Variants in RNF38 observed in about 807,000 individuals in gnomAD.
RNF38 encodes ring finger protein 38, also known as E3 ubiquitin-protein ligase RNF38.
Under a neutral mutation model 67.2 loss-of-function variants are expected in RNF38, and 15 were observed. The observed-to-expected ratio is 0.22, with a 90% CI of 0.15 to 0.34. The LOEUF is 0.34. Among genes scored for constraint, RNF38 ranks in the 10% least tolerant of loss-of-function variants. The probability of loss-of-function intolerance (pLI) is 1.00; values close to 1 mark genes in which losing one functional copy is unlikely to be tolerated. For missense variants in RNF38, 524 were observed against 639.9 expected (o/e 0.82, Z 1.95); for synonymous variants, 220 against 218.8 (o/e 1.01, Z -0.05).
At chr9:36,480,622 A>C (rs575998024) in intron 1 of RNF38, among the ~76,000 whole-genome samples, 1 of 143,358 alleles carries the variant, frequency 7.0e-6, no homozygotes, top group East Asian at 2.1e-4. Context: ...CACCATCTCA[A>C]CTCACTGCAA....
chr9:36,481,585 C>T (rs1840271372), intron 1 of RNF38, among the ~76,000 whole-genome samples: 1 of 152,132 alleles, frequency 6.6e-6, no homozygotes, highest in Non-Finnish European at 1.5e-5. Flanking sequence ...AAAATTACTC[C>T]AAGACAGCAG....
chr9:36,356,193 T>G (rs938908872), intron 6 of RNF38, 110 bp downstream of exon 6: 8 of 1,034,066 alleles, frequency 7.7e-6, no homozygotes, highest in Non-Finnish European at 1.0e-5. Flanking sequence ...AACTTAGGCA[T>G]TCGTCTGGTT....
At chr9:36,477,181 G>A (rs537095445) in intron 1 of RNF38, among the ~76,000 whole-genome samples, 23 of 151,818 alleles carry the variant, frequency 1.5e-4, no homozygotes, top group African/African-American at 3.1e-4. Flanking sequence ...AAAATTAGCC[G>A]GGCGTGGTGG....
chr9:36,398,696 A>C (rs1837739962), intron 1 of RNF38, among the ~76,000 whole-genome samples: 1 of 152,248 alleles, frequency 6.6e-6, no homozygotes, highest in South Asian at 2.1e-4. Context: ...AAACTGTCTG[A>C]CATGTTTTCT....
chr9:36,487,265 G>A (rs1475847034), intron 1 of RNF38: 18 of 981,836 alleles, frequency 1.8e-5, no homozygotes, highest in Middle Eastern at 1.0e-3. Context: ...CCGCGGGACC[G>A]ACCCACGCCC....
rs370295744 is a variant in RNF38 at position 36,364,395 on chromosome 9, TTA to T, written c.570+5322_570+5323del. Among the ~76,000 whole-genome samples, 434 of 152,266 alleles carry T rather than the reference TTA, an allele frequency of 2.9e-3. 1 individual carries two copies. The highest frequency in any genetic ancestry group is 9.8e-3 in the African/African-American group (407 of 41,544). Reference sequence around the variant, plus strand: ...TATTAGTTTTTGAGGGAGTCAACCATTATATGTGTATTTTCAACAGTGTAGAG... The same window carrying T: ...TATTAGTTTTTGAGGGAGTCAACCATTATGTGTATTTTCAACAGTGTAGAG... On this transcript the variant is annotated intron_variant, in intron 4 of 11. Transcript: ENST00000259605.
rs1422444010 is a variant in RNF38, at chr9:36,352,988, T to TA, written c.1072-141dup. On this transcript the variant is annotated intron_variant, in intron 7 of 11. Transcript: ENST00000259605. ...TTTTAATATTCCTTAAATACTAACT[T>TA]ATTAATGGATGCAGCAACCATTTTA... 22 of 800,968 alleles carry TA rather than the reference T, an allele frequency of 2.7e-5. No individual in the cohort carries two copies. The East Asian group carries it at 5.6e-4, about 20-fold the overall frequency. 49.6% of individuals were successfully genotyped at this position (800,968 alleles called of 1,614,324 possible).
intron 1 of RNF38, among the ~76,000 whole-genome samples, chr9:36,471,486 A>T (rs899089142): frequency 6.6e-6 from 1 of 152,082 alleles, no homozygotes; most frequent in African/African-American, 2.4e-5. Flanking sequence ...TCCCACCCCA[A>T]CCTTTTTTAA....
exon 1 of RNF38, chr9:36,487,380 T>A: frequency 1.0e-6 from 1 of 983,414 alleles, no homozygotes; most frequent in East Asian, 1.1e-4. Context: ...CCCGGAGGGC[T>A]GAGGCGGTCC....
intron 1 of RNF38, among the ~76,000 whole-genome samples, chr9:36,395,347 A>G (rs894142888): frequency 2.0e-5 from 3 of 151,966 alleles, no homozygotes; most frequent in Non-Finnish European, 2.9e-5. Context: ...TTTCTCCAGT[A>G]AAAGTGAGAG....
chr9:36,401,355 G>C (rs2480463), upstream of RNF38, among the ~76,000 whole-genome samples: 1 of 150,444 alleles, frequency 6.6e-6, no homozygotes, highest in Non-Finnish European at 1.5e-5. Flanking sequence ...AATTCCTATA[G>C]ATTTTCTCTT....
chr9:36,425,932 A>G (rs986163281), intron 1 of RNF38, among the ~76,000 whole-genome samples: 9 of 152,156 alleles, frequency 5.9e-5, no homozygotes, highest in African/African-American at 2.2e-4. Flanking sequence ...TCCTGACCTC[A>G]TGATCTGCCT....
chr9:36,406,294 G>A (rs1238882703), intron 2 of RNF38, among the ~76,000 whole-genome samples: 1 of 152,222 alleles, frequency 6.6e-6, no homozygotes, highest in African/African-American at 2.4e-5. Context: ...CACATGGAAG[G>A]AAATGTCAAA....
At chr9:36,430,446 G>A (rs1838903665) in intron 1 of RNF38, among the ~76,000 whole-genome samples, 1 of 151,994 alleles carries the variant, frequency 6.6e-6, no homozygotes. Context: ...CTCAGGTGAT[G>A]CACCCACCTC....
At chr9:36,382,243 A>G (rs1836264588) in intron 2 of RNF38, among the ~76,000 whole-genome samples, 1 of 152,234 alleles carries the variant, frequency 6.6e-6, no homozygotes, top group South Asian at 2.1e-4. Context: ...AATAATATAG[A>G]ACGTTGTACA....
rs562255855 is a variant in RNF38, at chr9:36,411,985, G to GT, written n.312+12627dup. On this transcript the variant is annotated intron_variant and non_coding_transcript_variant, in intron 2 of 3. Transcript: ENST00000488058. Reference sequence around the variant, plus strand: ...AGCCAGTTACAAAAAGAAAAACAGTGTATGATTCTACTTGTATGAGGTACA... The same window carrying GT: ...AGCCAGTTACAAAAAGAAAAACAGTGTTATGATTCTACTTGTATGAGGTACA... Among the ~76,000 whole-genome samples, 122 of 152,286 alleles carry GT rather than the reference G, an allele frequency of 8.0e-4. 1 individual carries two copies. In the East Asian group the frequency reaches 0.018, roughly 23 times the overall value.
intron 2 of RNF38, among the ~76,000 whole-genome samples, chr9:36,380,922 A>AAGT (rs1491324618): frequency 7.9e-5 from 12 of 152,236 alleles, no homozygotes; most frequent in African/African-American, 2.4e-4. Flanking sequence ...AATAGAAGAT[A>AAGT]AGGCCTTATG....
chr9:36,432,818 T>C (rs1838963650), intron 1 of RNF38, among the ~76,000 whole-genome samples: 1 of 152,084 alleles, frequency 6.6e-6, no homozygotes. Context: ...AAAGAAATAC[T>C]ATTTCAGCCA....
At chr9:36,340,712 T>TA (rs778118033) in intron 11 of RNF38, among the ~76,000 whole-genome samples, 284 of 152,314 alleles carry the variant, frequency 1.9e-3, no homozygotes, top group Middle Eastern at 0.017. Context: ...AGAAAACATT[T>TA]AGTGGTACCG....
Sources: gnomAD v4.1 joint callset for allele counts (sites outside exome capture counted in the v4.1 genomes callset) on GRCh38, gnomAD v4.1.1 for gene constraint, MANE v1.5 for transcripts, NCBI Gene and HGNC (gene_info 2026-07-23, HGNC 2026-07-21) for gene names.